The following FAT3 variants were observed in gnomAD, a reference collection of about 807,000 sequenced individuals.
The protein encoded by FAT3 is FAT atypical cadherin 3.
A neutral mutation model predicts 310.2 loss-of-function variants in FAT3; 95 were observed. That is an observed-to-expected ratio of 0.31 (90% CI 0.26 to 0.36). FAT3 has a LOEUF of 0.36. FAT3 is among the 10% of genes least tolerant of loss of function. FAT3 has a pLI of 1.00. For synonymous variants in FAT3, 2,314 were observed against 2,192.9 expected (o/e 1.06, Z -1.54); for missense variants, 5,408 against 5,715.6 (o/e 0.95, Z 1.74).
chr11:92,554,313 T>C (rs1031196922), intron 3 of FAT3, among the ~76,000 whole-genome samples: 1 of 151,114 alleles, frequency 6.6e-6, no homozygotes, highest in Non-Finnish European at 1.5e-5. Context: ...ATAGAAAAAA[T>C]TAGCCAGGCG....
At chr11:92,805,075 A>T (rs541301619) in intron 10 of FAT3, 78 bp from the exon 11 acceptor site, 3 of 1,460,214 alleles carry the variant, frequency 2.1e-6, no homozygotes, top group Admixed American at 4.1e-5. Flanking sequence ...ATGACTCCAC[A>T]TGCACCTCTC....
At chr11:92,678,018 A>G (rs773177962) in intron 3 of FAT3, among the ~76,000 whole-genome samples, 10 of 152,190 alleles carry the variant, frequency 6.6e-5, no homozygotes, top group South Asian at 2.1e-4. Flanking sequence ...GAGGTGACCA[A>G]TCAGAGGCTG....
intron 1 of FAT3, among the ~76,000 whole-genome samples, chr11:92,347,924 C>G (rs1405800104): frequency 2.0e-5 from 3 of 151,988 alleles, no homozygotes; most frequent in Non-Finnish European, 4.4e-5. Flanking sequence ...ATTGGCTTCA[C>G]AAATAGCTTG....
chr11:92,773,133 A>G (rs751314988), intron 6 of FAT3, among the ~76,000 whole-genome samples: 5 of 152,090 alleles, frequency 3.3e-5, no homozygotes, highest in Non-Finnish European at 7.4e-5. Flanking sequence ...ACATACCATT[A>G]TTTTTCTCCC....
chr11:92,450,401 T>TGGGTA (rs1225425132), intron 2 of FAT3, among the ~76,000 whole-genome samples: 1 of 151,944 alleles, frequency 6.6e-6, no homozygotes, highest in African/African-American at 2.4e-5. Flanking sequence ...TGTGGGGGGT[T>TGGGTA]GGGTAGGGTA....
At chr11:92,437,387 ATC>A (rs1024102759) in intron 2 of FAT3, among the ~76,000 whole-genome samples, 5 of 152,126 alleles carry the variant, frequency 3.3e-5, no homozygotes, top group African/African-American at 1.2e-4. Context: ...ATTCAAATCC[ATC>A]TCTCCTTATT....
chr11:92,488,229 G>T (rs1952483681), intron 2 of FAT3, among the ~76,000 whole-genome samples: 1 of 152,036 alleles, frequency 6.6e-6, no homozygotes, highest in Admixed American at 6.5e-5. Context: ...TCTACCGGCA[G>T]CCTGAATAAG....
intron 3 of FAT3, among the ~76,000 whole-genome samples, chr11:92,616,152 T>C (rs527362210): frequency 2.6e-5 from 4 of 152,346 alleles, no homozygotes; most frequent in African/African-American, 9.6e-5. Flanking sequence ...TTTATGAATC[T>C]GGGTGCTCCT....
intron 2 of FAT3, among the ~76,000 whole-genome samples, chr11:92,441,538 C>T (rs528322921): frequency 6.6e-6 from 1 of 152,306 alleles, no homozygotes; most frequent in South Asian, 2.1e-4. Flanking sequence ...TGGAACTCCA[C>T]AGTGTGTGCT....
In FAT3 at chr11:92,792,814, T is replaced by C; in HGVS notation, c.4659T>C (p.Ile1553=). The C allele has an allele frequency of 6.2e-7, 1 of 1,613,846 alleles. No homozygotes were observed. The highest frequency in any genetic ancestry group is 8.5e-7 in the Non-Finnish European group (1 of 1,179,782). The change falls in exon 9 of 28, where the codon ATT becomes ATC. Residue 1553 remains isoleucine (I), a synonymous_variant. Transcript: ENST00000525166. ...FPYRRNLARV[I]VNVEDANDHS... ...ATCGAAGAAACTTGGCCCGAGTCAT[T>C]GTGAATGTGGAGGATGCTAATGATC...
intron 1 of FAT3, among the ~76,000 whole-genome samples, chr11:92,287,195 G>A (rs945895091): frequency 7.9e-5 from 12 of 152,140 alleles, no homozygotes; most frequent in African/African-American, 2.9e-4. Flanking sequence ...TCACAGCCTT[G>A]GAGAATTGCA....
intron 1 of FAT3, among the ~76,000 whole-genome samples, chr11:92,320,509 A>C (rs1947586954): frequency 1.3e-5 from 2 of 152,202 alleles, no homozygotes. Context: ...TGTGGTGGTT[A>C]AGATAGCACT....
Position 92,753,794 on chromosome 11 carries a change from G to A in FAT3, c.3670-8062G>A, listed in dbSNP as rs1412635663. 1.2e-4 allele frequency among the ~76,000 whole-genome samples: 12 copies of A among 103,936 alleles called. No homozygotes were observed. In the South Asian group the frequency reaches 1.8e-3, roughly 15 times the overall value. 68.2% of individuals were successfully genotyped at this position (103,936 alleles called of 152,430 possible). ...CTGTGGTGTGTGTGTGTGTGTGTGTGTGTGTATATATATATGGTGGAATAC... is the reference window on the plus strand; with the variant it reads ...CTGTGGTGTGTGTGTGTGTGTGTGTATGTGTATATATATATGGTGGAATAC... On this transcript the variant is annotated intron_variant, in intron 4 of 27. Transcript: ENST00000525166.
chr11:92,436,880 A>G (rs1950951960), intron 2 of FAT3, among the ~76,000 whole-genome samples: 2 of 152,188 alleles, frequency 1.3e-5, no homozygotes, highest in African/African-American at 4.8e-5. Context: ...ATATCAAGAT[A>G]AGACATACTG....
intron 22 of FAT3, among the ~76,000 whole-genome samples, chr11:92,878,599 C>G (rs1036667384): frequency 1.9e-5 from 2 of 103,186 alleles, no homozygotes; most frequent in Non-Finnish European, 3.7e-5. Context: ...AGAGAAGATA[C>G]TATAACCACA....
At chr11:92,389,333 G>T (rs548170414) in intron 2 of FAT3, among the ~76,000 whole-genome samples, 11 of 152,264 alleles carry the variant, frequency 7.2e-5, no homozygotes, top group African/African-American at 2.2e-4. Context: ...CCTGGCTTTT[G>T]CCCATAACGG....
intron 3 of FAT3, among the ~76,000 whole-genome samples, chr11:92,568,592 T>A (rs567710236): frequency 6.6e-6 from 1 of 152,310 alleles, no homozygotes; most frequent in African/African-American, 2.4e-5. Context: ...GATTATAATG[T>A]AGTCCTTCAA....
At chr11:92,855,116 C>T (rs1948937000) in intron 19 of FAT3, among the ~76,000 whole-genome samples, 1 of 152,162 alleles carries the variant, frequency 6.6e-6, no homozygotes, top group Middle Eastern at 3.2e-3. Flanking sequence ...GACTACTGGT[C>T]AATATTTAGG....
Position 92,844,551 on chromosome 11 carries a change from C to G in FAT3, c.11184C>G (p.His3728Gln), listed in dbSNP as rs117144267. 1 of 1,613,998 alleles carries G rather than the reference C, an allele frequency of 6.2e-7. No individual in the cohort carries two copies. Among genetic ancestry groups the G allele is most frequent in the Non-Finnish European group, 8.5e-7 (1 of 1,179,904 alleles). ...LIQKLSNARR[H>Q]LENIMRISAI... ...AGAAGCTGTCCAATGCTAGAAGACA[C>G]CTGGAGAATATCATGCGCATCTCAG... The change falls in exon 19 of 28, where the codon CAC (histidine) becomes CAG (glutamine). Residue 3728 changes from histidine to glutamine, a missense_variant. This residue lies in a region of FAT3 where 4,588 missense variants were observed against 4,809.8 expected (regional missense o/e 0.95). Coordinates refer to ENST00000525166, the MANE Select transcript of FAT3 (RefSeq NM_001367949.2).
Sources: gnomAD v4.1 joint callset for allele counts (sites outside exome capture counted in the v4.1 genomes callset) on GRCh38, gnomAD v4.1.1 for gene constraint, gnomAD v4.1.1 regional missense constraint, MANE v1.5 for transcripts, NCBI Gene and HGNC (gene_info 2026-07-23, HGNC 2026-07-21) for gene names.